FOXK2: variants seen among roughly 807,000 people sequenced by gnomAD.
FOXK2 encodes the protein forkhead box protein K2.
Under a neutral mutation model 53.3 loss-of-function variants are expected in FOXK2, and 24 were observed. The ratio of observed to expected loss-of-function variants is 0.45; its 90% CI spans 0.33 to 0.63. The LOEUF (loss-of-function observed/expected upper bound fraction) is 0.63, where lower values mean the gene tolerates loss of function less well. FOXK2 is among the 30% of genes least tolerant of loss of function. The pLI is 0.03. For synonymous variants in FOXK2, 505 were observed against 407.1 expected (o/e 1.24, Z -2.89); for missense variants, 952 against 910.5 (o/e 1.05, Z -0.59).
chr17:82,540,857 G>T (rs555530721), intron 1 of FOXK2, among the ~76,000 whole-genome samples: 1 of 152,112 alleles, frequency 6.6e-6, no homozygotes, highest in Non-Finnish European at 1.5e-5. Flanking sequence ...TTTTCCCAGC[G>T]CATCACACCT....
At chr17:82,525,819 T>C (rs1376024114) in intron 1 of FOXK2, among the ~76,000 whole-genome samples, 1 of 152,250 alleles carries the variant, frequency 6.6e-6, no homozygotes, top group Non-Finnish European at 1.5e-5. Flanking sequence ...CCCTGTCCTA[T>C]GCCAAATGAA....
intron 1 of FOXK2, among the ~76,000 whole-genome samples, chr17:82,522,566 T>G (rs1338231155): frequency 1.3e-5 from 2 of 150,660 alleles, no homozygotes; most frequent in African/African-American, 4.9e-5. Context: ...AGAGACGGGG[T>G]TTCACCATGC....
At chr17:82,568,235 G>A in intron 3 of FOXK2, 34 bp downstream of exon 3, 1 of 1,609,432 alleles carries the variant, frequency 6.2e-7, no homozygotes, top group Non-Finnish European at 8.5e-7. Context: ...CAGCCCCTGG[G>A]GGACAGTGTG....
intron 2 of FOXK2, among the ~76,000 whole-genome samples, chr17:82,566,068 G>A (rs1242733249): frequency 6.6e-6 from 1 of 152,104 alleles, no homozygotes; most frequent in Non-Finnish European, 1.5e-5. Flanking sequence ...AGGGGCTGGG[G>A]GCGGGGAGGG....
Position 82,603,449 on chromosome 17 carries a change from G to A in FOXK2, c.*1950G>A, listed in dbSNP as rs3794714. 0.15 allele frequency: 23,474 copies of A among 152,216 alleles called. 1,937 individuals are homozygous for A. The highest frequency in any genetic ancestry group is 0.26 in the Middle Eastern group (76 of 294). 9.4% of individuals were successfully genotyped at this position (152,216 alleles called of 1,614,324 possible). On this transcript the variant is annotated 3_prime_UTR_variant, in exon 9 of 9. Coordinates refer to ENST00000335255, the MANE Select transcript of FOXK2 (RefSeq NM_004514.4). ...TCTGATTGATAGGAGACGAGCTCTT[G>A]AGCTCTAAGGAACAGTGAGGTCGCC... is the stretch of plus-strand genomic sequence containing the variant.
chr17:82,600,864 G>C, intron 8 of FOXK2: 2 of 164,926 alleles, frequency 1.2e-5, no homozygotes, highest in South Asian at 1.6e-4. Context: ...GCGAGGGCAG[G>C]GCCTCCGCAT....
intron 1 of FOXK2, among the ~76,000 whole-genome samples, chr17:82,545,267 G>T (rs776935632): frequency 9.2e-5 from 14 of 152,176 alleles, no homozygotes; most frequent in Non-Finnish European, 1.8e-4. Flanking sequence ...CCACTCCTCA[G>T]CTCGGAATTC....
In FOXK2 at chr17:82,584,066, G is replaced by A. The variant is rs1451936221; in HGVS notation, c.1157G>A (p.Gly386Asp). 1 of 1,611,716 alleles carries A rather than the reference G, an allele frequency of 6.2e-7. No homozygotes were observed. Among genetic ancestry groups the A allele is most frequent in the Admixed American group, 1.7e-5 (1 of 59,970 alleles). Residue 386 changes from glycine (G) to aspartate (D), a missense_variant, in exon 6 of 9, where the codon GGC becomes GAC. This residue lies in a region of FOXK2 where 551 missense variants were observed against 385.1 expected (regional missense o/e 1.43). Coordinates refer to ENST00000335255, the MANE Select transcript of FOXK2 (RefSeq NM_004514.4). ...HAGVLSAHSS[G>D]AQTPESLSRE... The stretch of plus-strand genomic sequence containing the variant: ...GGAGTGCTGTCTGCTCACTCTAGTG[G>A]CGCCCAGACCCCTGAGAGCCTGTCG...
chr17:82,557,499 A>C (rs1444527035), intron 1 of FOXK2, among the ~76,000 whole-genome samples: 11 of 151,300 alleles, frequency 7.3e-5, no homozygotes, highest in African/African-American at 2.7e-4. Context: ...GCGTGCCACC[A>C]TGCCTGGCTG....
intron 1 of FOXK2, among the ~76,000 whole-genome samples, chr17:82,548,924 C>G (rs1194453308): frequency 6.6e-6 from 1 of 152,154 alleles, no homozygotes; most frequent in Non-Finnish European, 1.5e-5. Context: ...TGTGCACTTT[C>G]CACTGCCACC....
chr17:82,570,574 GGC>G (rs2044906878), intron 3 of FOXK2, among the ~76,000 whole-genome samples: 1 of 152,194 alleles, frequency 6.6e-6, no homozygotes, highest in Non-Finnish European at 1.5e-5. Context: ...AGCCCATGTG[GGC>G]GCCTCTGATA....
At chr17:82,547,058 C>T (rs2044632963) in intron 1 of FOXK2, among the ~76,000 whole-genome samples, 1 of 135,516 alleles carries the variant, frequency 7.4e-6, no homozygotes, top group African/African-American at 2.8e-5. Flanking sequence ...ACCTGGGCGA[C>T]AGGAGCAAAA....
chr17:82,539,877 A>G (rs1443931907), intron 1 of FOXK2, among the ~76,000 whole-genome samples: 1 of 151,618 alleles, frequency 6.6e-6, no homozygotes, highest in Non-Finnish European at 1.5e-5. Context: ...GAGGCAGGAG[A>G]ATCTCTTAAA....
chr17:82,579,457 C>T (rs2045031390), intron 4 of FOXK2, among the ~76,000 whole-genome samples: 1 of 152,212 alleles, frequency 6.6e-6, no homozygotes, highest in South Asian at 2.1e-4. Flanking sequence ...TAGCCCACCT[C>T]TTCATGTCGC....
chr17:82,601,451 C>T lies in FOXK2; in HGVS notation c.1935C>T (p.Ser645=), dbSNP rs377486598. The part of the protein sequence containing the change: ...EDGEGIVIAL[S]VDTPPAAVRE... ...GCGAGGGCATCGTCATTGCCCTGAG[C>T]GTGGACACGCCACCGGCAGCCGTAA... Residue 645 remains serine (S), a synonymous_variant, in exon 9 of 9, where the codon AGC becomes AGT. Transcript: ENST00000335255. 73 of 1,612,028 alleles carry T rather than the reference C, an allele frequency of 4.5e-5. No homozygotes were observed. The highest frequency in any genetic ancestry group is 8.0e-5 in the African/African-American group (6 of 74,944).
chr17:82,576,772 AT>A, intron 4 of FOXK2: 1 of 644,096 alleles, frequency 1.6e-6, no homozygotes, highest in Non-Finnish European at 2.7e-6. Flanking sequence ...CAGCTGCTTC[AT>A]TTTTATGGTG....
chr17:82,549,419 ATTACAG>A (rs1296490098), intron 1 of FOXK2, among the ~76,000 whole-genome samples: 28 of 151,940 alleles, frequency 1.8e-4, no homozygotes, highest in Admixed American at 1.1e-3. Context: ...TATTCTCCTT[ATTACAG>A]TTACAGTACA....
chr17:82,565,935 A>G (rs1225631441), intron 2 of FOXK2, among the ~76,000 whole-genome samples: 3 of 152,206 alleles, frequency 2.0e-5, no homozygotes, highest in South Asian at 4.1e-4. Context: ...AAGGAAGGAA[A>G]TCCTGACATA....
chr17:82,587,617 C>G, intron 8 of FOXK2: 1 of 372,700 alleles, frequency 2.7e-6, no homozygotes, highest in Non-Finnish European at 5.1e-6. Context: ...CGCCCTGTGG[C>G]CTGTGGCGGT....
Sources: gnomAD v4.1 joint callset for allele counts (sites outside exome capture counted in the v4.1 genomes callset) on GRCh38, gnomAD v4.1.1 for gene constraint, gnomAD v4.1.1 regional missense constraint, MANE v1.5 for transcripts, NCBI Gene and HGNC (gene_info 2026-07-23, HGNC 2026-07-21) for gene names.